The following CD96 variants were observed in gnomAD, a reference collection of about 807,000 sequenced individuals.
CD96 encodes CD96 molecule.
A neutral mutation model predicts 71.3 loss-of-function variants in CD96; 70 were observed. That is an observed-to-expected ratio of 0.98 (90% CI 0.81 to 1.20). The LOEUF (loss-of-function observed/expected upper bound fraction) is 1.20. Among genes scored for constraint, CD96 ranks in the 50% most tolerant of loss-of-function variants. The probability of loss-of-function intolerance (pLI) is 0.00; values close to 1 mark genes in which losing one functional copy is unlikely to be tolerated. For missense variants in CD96, 742 were observed against 677.5 expected (o/e 1.10, Z -1.06); for synonymous variants, 248 against 233.0 (o/e 1.06, Z -0.59).
Position 111,560,141 on chromosome 3 carries a change from A to T in CD96, c.419-7382A>T, listed in dbSNP as rs1487219259. Among the ~76,000 whole-genome samples the T allele has an allele frequency of 7.3e-5, 11 of 151,456 alleles. No homozygotes were observed. The East Asian group carries it at 2.1e-3, about 30-fold the overall frequency. ...TGGGTTTCCTGAATACAACACACTG[A>T]TGGGTCTTGACTCTTTATCCAATTT... On this transcript the variant is annotated intron_variant, in intron 2 of 13. Transcript: ENST00000352690.
chr3:111,572,004 C>G (rs1438969232), intron 3 of CD96, among the ~76,000 whole-genome samples: 1 of 152,186 alleles, frequency 6.6e-6, no homozygotes, highest in African/African-American at 2.4e-5. Flanking sequence ...GAAAAATCCC[C>G]ACATTCATGC....
chr3:111,627,470 C>T (rs4682292), intron 10 of CD96, among the ~76,000 whole-genome samples: 68,070 of 152,144 alleles, frequency 0.45, 18,440 homozygotes, highest in Non-Finnish European at 0.6. Flanking sequence ...CTCTGGCCAG[C>T]CCCACCCATG....
At chr3:111,600,261 G>A (rs749459565) in intron 6 of CD96, among the ~76,000 whole-genome samples, 34 of 152,174 alleles carry the variant, frequency 2.2e-4, no homozygotes, top group Non-Finnish European at 4.4e-4. Flanking sequence ...ATACACAGAA[G>A]AGCTCAGAAG....
rs1021804713 is a variant in CD96 at position 111,623,823 on chromosome 3, G to A, written c.1249+1G>A. On this transcript the variant is annotated splice_donor_variant, in intron 9 of 13. Transcript: ENST00000352690. LOFTEE classifies it high-confidence loss of function. ...TTGAGGCCAAACACCACTCCTCAACGTGAGTTCAGCAAAGTTTTCCTACAT... is the reference window on the plus strand; with the variant it reads ...TTGAGGCCAAACACCACTCCTCAACATGAGTTCAGCAAAGTTTTCCTACAT... 1.8e-5 allele frequency: 29 copies of A among 1,599,526 alleles called. 1 individual carries two copies. The highest frequency in any genetic ancestry group is 6.7e-5 in the East Asian group (3 of 44,806).
At chr3:111,597,664 G>A (rs182034338) in intron 5 of CD96, among the ~76,000 whole-genome samples, 11 of 152,322 alleles carry the variant, frequency 7.2e-5, no homozygotes, top group African/African-American at 2.4e-4. Flanking sequence ...TTCTGTGATT[G>A]TTACAAATAG....
At chr3:111,585,778 C>T (rs893054906) in intron 5 of CD96, among the ~76,000 whole-genome samples, 2 of 152,098 alleles carry the variant, frequency 1.3e-5, no homozygotes, top group Admixed American at 6.6e-5. Flanking sequence ...CCCACTTTCC[C>T]ATTGTTTTTA....
chr3:111,614,263 T>A (rs1938109369), intron 8 of CD96, among the ~76,000 whole-genome samples: 1 of 152,186 alleles, frequency 6.6e-6, no homozygotes. Context: ...TGTCTCTGAT[T>A]CCCTGACTTG....
intron 5 of CD96, chr3:111,594,357 G>T: frequency 1.2e-6 from 1 of 868,846 alleles, no homozygotes; most frequent in Non-Finnish European, 1.7e-6. Context: ...GTGGTGTGAG[G>T]TTTCTTCCTT....
chr3:111,546,415 G>A (rs1035690134), intron 2 of CD96, among the ~76,000 whole-genome samples: 2 of 152,206 alleles, frequency 1.3e-5, no homozygotes, highest in African/African-American at 2.4e-5. Context: ...ACATACTTTG[G>A]AGGCCTGCAT....
intron 4 of CD96, among the ~76,000 whole-genome samples, chr3:111,580,316 G>A (rs1320281150): frequency 1.3e-5 from 2 of 152,156 alleles, no homozygotes; most frequent in Admixed American, 1.3e-4. Flanking sequence ...AGTGGTACAA[G>A]GAAGTACCAC....
rs752270493 is a variant in CD96, at chr3:111,542,291, C to T, written c.43C>T (p.Gln15Ter). 19 of 1,613,736 alleles carry T rather than the reference C, an allele frequency of 1.2e-5. No homozygotes were observed. The highest frequency in any genetic ancestry group is 1.6e-5 in the Non-Finnish European group (19 of 1,179,688). The change falls in exon 1 of 14, where the codon CAG becomes TAG. Residue 15 changes from glutamine to a stop codon, truncating the protein, a stop_gained. Transcript: ENST00000352690. LOFTEE classifies it high-confidence loss of function. The stretch of plus-strand genomic sequence containing the variant: ...ATACTGTGCTGTCTATTACATCATC[C>T]AGATACATTTTGTCAAGGGTAAGAC... ...WKYCAVYYII[Q>*]IHFVKGVWEK... is the part of the protein sequence containing the mutation.
chr3:111,659,476 T>G lies in CD96; in HGVS notation c.*53-6051T>G, dbSNP rs9837665. The stretch of plus-strand genomic sequence containing the variant: ...TAATTTTTAGATGTTTCTAACTTCT[T>G]GATGAAAGCATTTAGGACTTTAAAC... On this transcript the variant is annotated intron_variant and NMD_transcript_variant, in intron 14 of 14. Coordinates refer to the CD96 transcript ENST00000494798. 2.5e-3 allele frequency among the ~76,000 whole-genome samples: 385 copies of G among 152,344 alleles called. 2 individuals are homozygous for G. Among genetic ancestry groups the G allele is most frequent in the African/African-American group, 8.7e-3 (363 of 41,584 alleles).
chr3:111,624,318 A>G lies in CD96; in HGVS notation c.1250-15A>G, dbSNP rs749891574. 3.8e-6 allele frequency: 6 copies of G among 1,581,992 alleles called. No homozygotes were observed. The highest frequency in any genetic ancestry group is 5.2e-6 in the Non-Finnish European group (6 of 1,150,796). On this transcript the variant is annotated splice_polypyrimidine_tract_variant and intron_variant, in intron 9 of 13. Transcript: ENST00000352690. The stretch of plus-strand genomic sequence containing the variant: ...TCGAAAAAAGCTGGATTCTGAAAAT[A>G]ATTTTGTCTTTCAGCCAGCAATTCC...
chr3:111,572,429 T>G (rs1356640151), intron 3 of CD96, among the ~76,000 whole-genome samples: 1 of 152,342 alleles, frequency 6.6e-6, no homozygotes, highest in South Asian at 2.1e-4. Context: ...GGGAATAAAC[T>G]ACAACTCTTA....
intron 13 of CD96, among the ~76,000 whole-genome samples, chr3:111,649,073 C>T (rs960103872): frequency 3.3e-5 from 5 of 152,120 alleles, no homozygotes; most frequent in Admixed American, 2.0e-4. Flanking sequence ...ACCCTATCCC[C>T]GCAGTACATA....
In CD96 at chr3:111,585,303, A is replaced by G; in HGVS notation, c.752-20A>G. 1.9e-6 allele frequency: 3 copies of G among 1,573,238 alleles called. No individual in the cohort carries two copies. The highest frequency in any genetic ancestry group is 2.2e-5 in the East Asian group (1 of 44,626). ...AGGATGACATTTGGTGCCACTAACTATGTTTTATTTGCCTTTAAGCTAAAC... is the reference window on the plus strand; with the variant it reads ...AGGATGACATTTGGTGCCACTAACTGTGTTTTATTTGCCTTTAAGCTAAAC... On this transcript the variant is annotated intron_variant, in intron 4 of 13. Transcript: ENST00000352690.
At chr3:111,575,845 T>C (rs956152546) in intron 3 of CD96, among the ~76,000 whole-genome samples, 1 of 152,182 alleles carries the variant, frequency 6.6e-6, no homozygotes, top group Non-Finnish European at 1.5e-5. Flanking sequence ...CATTAATCTA[T>C]TTATGAGGGC....
At chr3:111,567,411 A>G (rs1935769182) in intron 2 of CD96, 112 bp from the exon 3 acceptor site, 1 of 819,876 alleles carries the variant, frequency 1.2e-6, no homozygotes. Context: ...TCATAGGTGT[A>G]CCCTGAGGAC....
intron 2 of CD96, among the ~76,000 whole-genome samples, chr3:111,548,969 A>G (rs957065343): frequency 6.6e-6 from 1 of 152,202 alleles, no homozygotes; most frequent in East Asian, 1.9e-4. Flanking sequence ...ATGAATCACA[A>G]AGTTCAATAG....
Sources: allele counts gnomAD v4.1 joint callset (sites outside exome capture counted in the v4.1 genomes callset), GRCh38; gene constraint gnomAD v4.1.1; transcripts MANE v1.5; gene names NCBI Gene and HGNC (gene_info 2026-07-23, HGNC 2026-07-21).